SEPTIN10: variants seen among roughly 807,000 people sequenced by gnomAD.
The protein encoded by SEPTIN10 is septin 10, also known as septin-10.
In SEPTIN10, 66 loss-of-function variants were observed where a neutral mutation model predicts 54.8. The ratio of observed to expected loss-of-function variants is 1.21; its 90% CI spans 0.99 to 1.48. The LOEUF (loss-of-function observed/expected upper bound fraction) is 1.48, where lower values mean the gene tolerates loss of function less well. SEPTIN10 is among the 40% of genes most tolerant of loss of function. The pLI is 0.00. For synonymous variants in SEPTIN10, 161 were observed against 181.0 expected (o/e 0.89, Z 0.89); for missense variants, 620 against 545.6 (o/e 1.14, Z -1.36).
At chr2:109,610,620 G>T (rs1264434548) in intron 1 of SEPTIN10, among the ~76,000 whole-genome samples, 1 of 152,134 alleles carries the variant, frequency 6.6e-6, no homozygotes, top group Non-Finnish European at 1.5e-5. Flanking sequence ...GGAGGCTGGG[G>T]TAGGAGAATC....
intron 2 of SEPTIN10, among the ~76,000 whole-genome samples, chr2:109,589,910 G>A (rs1250753176): frequency 1.3e-5 from 2 of 151,960 alleles, no homozygotes; most frequent in South Asian, 2.1e-4. Flanking sequence ...CTACTGATAC[G>A]TGTCACAACA....
In SEPTIN10 at chr2:109,578,662, G is replaced by A. The variant is rs6732249; in HGVS notation, c.414-3895C>T. ...GGCACCTGTAATCCCAGCTACTCGGGAGGCTGAGGCCAGGGAATCGCTTGA... is the reference window on the plus strand; with the variant it reads ...GGCACCTGTAATCCCAGCTACTCGGAAGGCTGAGGCCAGGGAATCGCTTGA... On this transcript the variant is annotated intron_variant, in intron 4 of 10. Transcript: ENST00000397712. Among the ~76,000 whole-genome samples the A allele has an allele frequency of 9.4e-3, 1,436 of 152,212 alleles. 11 individuals carry two copies. Among genetic ancestry groups the A allele is most frequent in the Non-Finnish European group, 0.017 (1,133 of 68,006 alleles).
At chr2:109,604,654 G>A (rs1333964523) in intron 1 of SEPTIN10, among the ~76,000 whole-genome samples, 1 of 151,208 alleles carries the variant, frequency 6.6e-6, no homozygotes, top group Non-Finnish European at 1.5e-5. Context: ...ATGAACCGGG[G>A]AGGCGGAGCT....
intron 5 of SEPTIN10, among the ~76,000 whole-genome samples, chr2:109,569,357 G>T (rs1205066620): frequency 2.0e-5 from 3 of 151,302 alleles, no homozygotes; most frequent in Non-Finnish European, 2.9e-5. Context: ...CTTGAACCCA[G>T]GAGGCAGAGG....
At chr2:109,565,216 AAAAAAAT>A (rs1443403851) in intron 7 of SEPTIN10, among the ~76,000 whole-genome samples, 2 of 152,074 alleles carry the variant, frequency 1.3e-5, no homozygotes, top group African/African-American at 4.8e-5. Context: ...TCAATTAAGA[AAAAAAAT>A]CAGCATTTGG....
intron 5 of SEPTIN10, among the ~76,000 whole-genome samples, chr2:109,573,690 C>T (rs931869756): frequency 2.0e-5 from 3 of 152,132 alleles, no homozygotes; most frequent in Non-Finnish European, 2.9e-5. Context: ...AGCTTCATTT[C>T]GCATACCATT....
intron 1 of SEPTIN10, among the ~76,000 whole-genome samples, chr2:109,611,133 T>C (rs769871006): frequency 6.6e-6 from 1 of 152,134 alleles, no homozygotes; most frequent in Non-Finnish European, 1.5e-5. Context: ...TGGACATCCA[T>C]AGGCCAAAAA....
chr2:109,581,739 A>G (rs1205059313), intron 4 of SEPTIN10, among the ~76,000 whole-genome samples: 1 of 152,242 alleles, frequency 6.6e-6, no homozygotes, highest in Admixed American at 6.5e-5. Context: ...TAGGCAAAAG[A>G]TGAAAGCATT....
intron 5 of SEPTIN10, among the ~76,000 whole-genome samples, chr2:109,569,865 C>T (rs1305215665): frequency 6.6e-6 from 1 of 152,072 alleles, no homozygotes; most frequent in Admixed American, 6.6e-5. Context: ...AGATAACTTT[C>T]CATGTCAAGC....
rs371694319 is a variant in SEPTIN10 at position 109,565,791 on chromosome 2, A to G, written c.831T>C (p.Ala277=). 3.1e-6 allele frequency: 5 copies of G among 1,613,972 alleles called. No homozygotes were observed. The highest frequency in any genetic ancestry group is 4.2e-6 in the Non-Finnish European group (5 of 1,179,994). The change falls in exon 7 of 11, where the codon GCT becomes GCC. Residue 277 remains alanine (A), a synonymous_variant. Coordinates refer to ENST00000397712, the MANE Select transcript of SEPTIN10 (RefSeq NM_144710.5). ...GTACAACACCCCAAGGGTACTGGCG[A>G]GCTTTGACCATCTTGTTTCCGACTT... ...EVKVGNKMVK[A]RQYPWGVVQV... is the part of the protein sequence containing the mutation.
At chr2:109,576,885 G>GA (rs1418953908) in intron 4 of SEPTIN10, among the ~76,000 whole-genome samples, 2 of 151,886 alleles carry the variant, frequency 1.3e-5, no homozygotes, top group East Asian at 1.9e-4. Flanking sequence ...GTTTTCAAAG[G>GA]AAAAAAACAG....
chr2:109,548,798 AAAAAG>A, intron 9 of SEPTIN10, among the ~76,000 whole-genome samples: 1 of 148,170 alleles, frequency 6.7e-6, no homozygotes, highest in African/African-American at 2.5e-5. Context: ...AAAAAAAAAA[AAAAAG>A]ACATAATATT....
intron 9 of SEPTIN10, among the ~76,000 whole-genome samples, chr2:109,552,019 C>CA (rs1223984741): frequency 2.0e-5 from 3 of 152,190 alleles, no homozygotes; most frequent in African/African-American, 7.2e-5. Flanking sequence ...GAGTGGCGGG[C>CA]AAACAAGCAT....
chr2:109,613,662 A>C lies in SEPTIN10; in HGVS notation c.30+136T>G, dbSNP rs1699803976. The C allele has an allele frequency of 7.3e-6, 4 of 547,258 alleles. No homozygotes were observed. In the East Asian group the frequency reaches 1.7e-4, roughly 24 times the overall value. 33.9% of individuals were successfully genotyped at this position (547,258 alleles called of 1,614,324 possible). A position where few individuals can be genotyped will look rare whatever the true frequency, so the allele number is the denominator to read the frequency against. On this transcript the variant is annotated intron_variant, in intron 1 of 10. Transcript: ENST00000397712. ...CGCCCGGCCGCCGCGGAAGCCGGGG[A>C]GCACTGGGCGGGCGGGGCCGGAGGG...
rs1683507976 is a variant in SEPTIN10 at position 109,553,339 on chromosome 2, G to A, written c.1029-120C>T. ...GCAGGTGGATCACCTAAGGTCAGGA[G>A]TCCAAGACCAGCCTGGCCAACATAG... is the stretch of plus-strand genomic sequence containing the variant. On this transcript the variant is annotated intron_variant, in intron 8 of 10. Coordinates refer to ENST00000397712, the MANE Select transcript of SEPTIN10 (RefSeq NM_144710.5). 3 of 913,370 alleles carry A rather than the reference G, an allele frequency of 3.3e-6. 1 individual carries two copies. The highest frequency in any genetic ancestry group is 2.6e-5 in the Admixed American group (1 of 38,950). 56.6% of individuals were successfully genotyped at this position (913,370 alleles called of 1,614,324 possible).
intron 2 of SEPTIN10, among the ~76,000 whole-genome samples, chr2:109,591,823 G>A (rs1297203411): frequency 6.6e-6 from 1 of 152,002 alleles, no homozygotes; most frequent in Non-Finnish European, 1.5e-5. Flanking sequence ...GCTTGAACCT[G>A]GGAGGTGTAG....
At chr2:109,556,396 G>A (rs575261216) in intron 8 of SEPTIN10, among the ~76,000 whole-genome samples, 1 of 152,240 alleles carries the variant, frequency 6.6e-6, no homozygotes, top group South Asian at 2.1e-4. Context: ...TATAACTGGA[G>A]ACATTAAGCT....
intron 8 of SEPTIN10, among the ~76,000 whole-genome samples, chr2:109,558,073 T>C (rs1684796264): frequency 6.6e-6 from 1 of 152,188 alleles, no homozygotes. Context: ...ATTACAGGCG[T>C]GAACGACTGC....
chr2:109,556,959 G>A (rs1684517721), intron 8 of SEPTIN10, among the ~76,000 whole-genome samples: 1 of 152,002 alleles, frequency 6.6e-6, no homozygotes. Context: ...CTCATAGATG[G>A]GAATTCAACA....
Sources: allele counts gnomAD v4.1 joint callset (sites outside exome capture counted in the v4.1 genomes callset), GRCh38; gene constraint gnomAD v4.1.1; transcripts MANE v1.5; gene names NCBI Gene and HGNC (gene_info 2026-07-23, HGNC 2026-07-21).